Variants in COL25A1 observed in about 807,000 individuals in gnomAD.
COL25A1 encodes collagen alpha-1(XXV) chain.
In COL25A1, 103 loss-of-function variants were observed where a neutral mutation model predicts 128.4. The ratio of observed to expected loss-of-function variants is 0.80; its 90% CI spans 0.68 to 0.94. COL25A1 has a LOEUF of 0.94. Among genes scored for constraint, COL25A1 ranks in the 40% least tolerant of loss-of-function variants. COL25A1 has a pLI of 0.00. For synonymous variants in COL25A1, 279 were observed against 277.2 expected (o/e 1.01, Z -0.06); for missense variants, 745 against 840.0 (o/e 0.89, Z 1.40).
chr4:108,959,426 A>T (rs1176342753), intron 8 of COL25A1, among the ~76,000 whole-genome samples: 1 of 152,186 alleles, frequency 6.6e-6, no homozygotes, highest in Non-Finnish European at 1.5e-5. Flanking sequence ...TTTAAAATAT[A>T]GAAGGAAGAT....
intron 3 of COL25A1, among the ~76,000 whole-genome samples, chr4:109,103,498 G>A (rs1766115386): frequency 6.6e-6 from 1 of 151,272 alleles, no homozygotes; most frequent in African/African-American, 2.5e-5. Flanking sequence ...ATGGGGTCAT[G>A]CTTATAAGTC....
chr4:109,276,126 C>T (rs1023798214), intron 3 of COL25A1, among the ~76,000 whole-genome samples: 4 of 152,098 alleles, frequency 2.6e-5, no homozygotes, highest in African/African-American at 7.2e-5. Context: ...TGTCTTATTT[C>T]TTGGCCAGGC....
At chr4:109,135,024 CAAAA>C (rs574984369) in intron 3 of COL25A1, among the ~76,000 whole-genome samples, 9,460 of 100,706 alleles carry the variant, frequency 0.094, 634 homozygotes, top group African/African-American at 0.21. Context: ...ACTTTTCTGT[CAAAA>C]AAAAAAAAAA....
intron 3 of COL25A1, among the ~76,000 whole-genome samples, chr4:109,165,945 G>A (rs1400373831): frequency 1.3e-5 from 2 of 151,912 alleles, no homozygotes; most frequent in African/African-American, 2.4e-5. Flanking sequence ...AAAACATCTG[G>A]AATTACAACA....
chr4:109,057,204 T>C (rs1033880665), intron 3 of COL25A1, among the ~76,000 whole-genome samples: 3 of 152,086 alleles, frequency 2.0e-5, no homozygotes, highest in African/African-American at 4.8e-5. Context: ...TGGCAAAGCA[T>C]GTTATCTTTC....
At chr4:109,212,559 A>G (rs190519574) in intron 3 of COL25A1, among the ~76,000 whole-genome samples, 2 of 152,222 alleles carry the variant, frequency 1.3e-5, no homozygotes, top group African/African-American at 4.8e-5. Context: ...ATTAAAGGAG[A>G]GGGAAATTAA....
At chr4:108,960,301 C>T (rs958080092) in intron 8 of COL25A1, among the ~76,000 whole-genome samples, 2 of 152,020 alleles carry the variant, frequency 1.3e-5, no homozygotes, top group African/African-American at 4.8e-5. Context: ...AAATATATTA[C>T]ACATTTTTTA....
chr4:109,110,143 T>C (rs955362580), intron 3 of COL25A1, among the ~76,000 whole-genome samples: 2 of 152,114 alleles, frequency 1.3e-5, no homozygotes, highest in Admixed American at 6.5e-5. Flanking sequence ...GTTCAAAAAT[T>C]AGCATCAAGA....
intron 3 of COL25A1, among the ~76,000 whole-genome samples, chr4:109,061,247 T>C (rs1304613900): frequency 6.6e-6 from 1 of 152,210 alleles, no homozygotes; most frequent in East Asian, 1.9e-4. Flanking sequence ...TTGCCATGTA[T>C]TTGGCTCATT....
At chr4:109,182,638 C>A (rs915247540) in intron 3 of COL25A1, among the ~76,000 whole-genome samples, 3 of 152,072 alleles carry the variant, frequency 2.0e-5, no homozygotes, top group South Asian at 2.1e-4. Flanking sequence ...CAGGTAAGAG[C>A]TGAAAACAAA....
intron 6 of COL25A1, among the ~76,000 whole-genome samples, chr4:109,008,253 C>T (rs950477685): frequency 5.9e-5 from 9 of 152,172 alleles, no homozygotes; most frequent in Non-Finnish European, 1.3e-4. Flanking sequence ...AGGCAGGGAA[C>T]TTAGTGGATA....
At chr4:109,018,906 G>A (rs1724452) in intron 5 of COL25A1, among the ~76,000 whole-genome samples, 140,042 of 152,252 alleles carry the variant, frequency 0.92, 64,514 homozygotes, top group East Asian at 0.98. Context: ...AAATGCATCA[G>A]TGTTGAAAAG....
Position 109,246,306 on chromosome 4 carries a change from G to T in COL25A1, c.367+54277C>A, listed in dbSNP as rs1048500224. On this transcript the variant is annotated intron_variant, in intron 3 of 37. Transcript: ENST00000399132. The stretch of plus-strand genomic sequence containing the variant: ...AAATGACAAATCTATACAGTAAGCT[G>T]GTAGAGCTAGAAAACTACTAGTTCT... Among the ~76,000 whole-genome samples, 5 of 152,028 alleles carry T rather than the reference G, an allele frequency of 3.3e-5. No homozygotes were observed. The East Asian group carries it at 9.6e-4, about 29-fold the overall frequency.
chr4:108,866,472 C>T lies in COL25A1; in HGVS notation c.1083+2616G>A, dbSNP rs145551007. ...CCTCCCAAAGTGCTGGGATTACAGGCGTAAGCCACCATGCCCAGGCCCCTC... is the reference window on the plus strand; with the variant it reads ...CCTCCCAAAGTGCTGGGATTACAGGTGTAAGCCACCATGCCCAGGCCCCTC... On this transcript the variant is annotated intron_variant, in intron 20 of 37. Coordinates refer to ENST00000399132, the MANE Select transcript of COL25A1 (RefSeq NM_198721.4). 1.7e-3 allele frequency among the ~76,000 whole-genome samples: 255 copies of T among 152,304 alleles called. 5 individuals carry two copies. The East Asian group carries it at 0.04, about 24-fold the overall frequency.
intron 8 of COL25A1, among the ~76,000 whole-genome samples, chr4:108,966,702 A>T (rs1010676242): frequency 2.0e-5 from 3 of 151,740 alleles, no homozygotes; most frequent in Admixed American, 6.6e-5. Flanking sequence ...ATTAAAAAAA[A>T]TAGCTGGGCA....
At chr4:108,943,831 A>G (rs1487928923) in intron 8 of COL25A1, among the ~76,000 whole-genome samples, 1 of 151,784 alleles carries the variant, frequency 6.6e-6, no homozygotes, top group Non-Finnish European at 1.5e-5. Context: ...TTTCAAAAAA[A>G]AAAAAACACA....
intron 3 of COL25A1, among the ~76,000 whole-genome samples, chr4:109,130,296 A>G (rs1425043671): frequency 6.6e-6 from 1 of 152,322 alleles, no homozygotes; most frequent in South Asian, 2.1e-4. Context: ...ACAGACAGTA[A>G]ATGTTCACAC....
chr4:109,001,390 T>A (rs1755369052), intron 6 of COL25A1, among the ~76,000 whole-genome samples: 1 of 152,170 alleles, frequency 6.6e-6, no homozygotes, highest in Non-Finnish European at 1.5e-5. Flanking sequence ...TGAGATCCTG[T>A]CAGGTAGGCA....
At chr4:108,994,429 G>C (rs1389067466) in intron 6 of COL25A1, among the ~76,000 whole-genome samples, 3 of 152,220 alleles carry the variant, frequency 2.0e-5, no homozygotes, top group Non-Finnish European at 4.4e-5. Context: ...GCTGAGGCTT[G>C]AGTAGCTCAC....
Sources: allele counts gnomAD v4.1 joint callset (sites outside exome capture counted in the v4.1 genomes callset), GRCh38; gene constraint gnomAD v4.1.1; transcripts MANE v1.5; gene names NCBI Gene and HGNC (gene_info 2026-07-23, HGNC 2026-07-21).